Variants in GCNT2 observed in about 807,000 individuals in gnomAD.
The protein encoded by GCNT2 is glucosaminyl (N-acetyl) transferase 2 (I blood group), also known as N-acetyllactosaminide beta-1,6-N-acetylglucosaminyl-transferase.
Under a neutral mutation model 34.2 loss-of-function variants are expected in GCNT2, and 34 were observed. The observed-to-expected ratio is 1.00, with a 90% CI of 0.76 to 1.32. The LOEUF is 1.32. GCNT2 is among the 40% of genes most tolerant of loss of function. The pLI is 0.00. For missense variants in GCNT2, 584 were observed against 489.4 expected, an observed-to-expected ratio of 1.19 and a Z score of -1.82; for synonymous variants, 212 against 188.0, an observed-to-expected ratio of 1.13 and a Z score of -1.04.
Position 10,626,676 on chromosome 6 carries a change from A to C in GCNT2, c.*69A>C. On this transcript the variant is annotated 3_prime_UTR_variant, in exon 5 of 5. Transcript: ENST00000495262. The stretch of plus-strand genomic sequence containing the variant: ...GAAGAGGAGCCTGTTTTTGTGAGAG[A>C]CTTTTGCCTTCGTAATGTTAACCGT... The C allele has an allele frequency of 1.7e-6, 2 of 1,193,026 alleles. No homozygotes were observed. Among genetic ancestry groups the C allele is most frequent in the Non-Finnish European group, 2.5e-6 (2 of 801,030 alleles). 73.9% of individuals were successfully genotyped at this position (1,193,026 alleles called of 1,614,324 possible).
chr6:10,566,076 A>T (rs946550563), intron 3 of GCNT2, among the ~76,000 whole-genome samples: 9 of 151,756 alleles, frequency 5.9e-5, no homozygotes, highest in South Asian at 2.1e-4. Context: ...TAACTTGCGG[A>T]TCCCTGTTCT....
chr6:10,582,377 T>TATATAGTAATA (rs1561816522), intron 3 of GCNT2, among the ~76,000 whole-genome samples: 1 of 93,146 alleles, frequency 1.1e-5, no homozygotes, highest in Admixed American at 1.2e-4. Context: ...TATACTATAA[T>TATATAGTAATA]TTAATATTTA....
At chr6:10,523,280 G>C (rs763792665) in intron 1 of GCNT2, among the ~76,000 whole-genome samples, 1 of 152,024 alleles carries the variant, frequency 6.6e-6, no homozygotes, top group African/African-American at 2.4e-5. Context: ...ACAAAAATTA[G>C]CCGGGTGTGG....
chr6:10,567,520 G>A (rs1321662069), intron 3 of GCNT2, among the ~76,000 whole-genome samples: 2 of 152,158 alleles, frequency 1.3e-5, no homozygotes, highest in Non-Finnish European at 2.9e-5. Context: ...ATTCCTAAGG[G>A]ATATCTCTAG....
intron 4 of GCNT2, among the ~76,000 whole-genome samples, chr6:10,622,384 G>A (rs781367811): frequency 2.0e-5 from 3 of 151,882 alleles, no homozygotes; most frequent in Non-Finnish European, 4.4e-5. Flanking sequence ...AGGCCTCTCT[G>A]CTTGGCTTGT....
chr6:10,529,136 T>G lies in GCNT2; in HGVS notation c.225T>G (p.Tyr75Ter). 1 of 1,614,112 alleles carries G rather than the reference T, an allele frequency of 6.2e-7. No homozygotes were observed. The highest frequency in any genetic ancestry group is 1.6e-4 in the Middle Eastern group (1 of 6,062). Residue 75 changes from tyrosine to a stop codon, truncating the protein, a stop_gained, in exon 3 of 5, where the codon TAT becomes TAG. Coordinates refer to ENST00000495262, the MANE Select transcript of GCNT2 (RefSeq NM_145649.5). LOFTEE classifies it high-confidence loss of function. ...LKTTLDEATC[Y>*]EYMVRSHYVT... Reference sequence around the variant, plus strand: ...CTACCCTTGATGAAGCTACCTGCTATGAGTACATGGTTCGAAGCCACTATG... The same window carrying G: ...CTACCCTTGATGAAGCTACCTGCTAGGAGTACATGGTTCGAAGCCACTATG...
intron 3 of GCNT2, among the ~76,000 whole-genome samples, chr6:10,595,105 G>T (rs768042287): frequency 1.3e-5 from 2 of 152,038 alleles, no homozygotes; most frequent in Non-Finnish European, 1.5e-5. Context: ...TGTTATTGAT[G>T]TACTTTTTAT....
At chr6:10,568,753 C>A (rs192406183) in intron 3 of GCNT2, among the ~76,000 whole-genome samples, 229 of 152,234 alleles carry the variant, frequency 1.5e-3, no homozygotes, top group African/African-American at 5.2e-3. Flanking sequence ...TGAAAGGAAC[C>A]CTTCAGAAAA....
intron 3 of GCNT2, among the ~76,000 whole-genome samples, chr6:10,580,922 T>C (rs1416653402): frequency 6.6e-6 from 1 of 152,214 alleles, no homozygotes; most frequent in East Asian, 1.9e-4. Context: ...TCTTCTTGTT[T>C]GTGACCGTAA....
At chr6:10,586,459 A>T in intron 3 of GCNT2, 1 of 1,614,164 alleles carries the variant, frequency 6.2e-7, no homozygotes. Flanking sequence ...TCAAAGACAG[A>T]GTCTGTGGTT....
intron 3 of GCNT2, among the ~76,000 whole-genome samples, chr6:10,562,587 T>C (rs1403804178): frequency 1.4e-5 from 2 of 140,860 alleles, no homozygotes; most frequent in Admixed American, 7.7e-5. Context: ...CATGGTGGTG[T>C]GCGCCTGTAC....
rs1047737119 is a variant in GCNT2 at position 10,599,598 on chromosome 6, G to A, written c.926-21753G>A. On this transcript the variant is annotated intron_variant, in intron 3 of 4. Transcript: ENST00000495262. Reference sequence around the variant, plus strand: ...CCGCCAGTGGTCCCCAGAGAATTGAGAGCTATGGTAGAATGAAGACGGTAG... The same window carrying A: ...CCGCCAGTGGTCCCCAGAGAATTGAAAGCTATGGTAGAATGAAGACGGTAG... Among the ~76,000 whole-genome samples, 4 of 152,298 alleles carry A rather than the reference G, an allele frequency of 2.6e-5. No homozygotes were observed. In the South Asian group the frequency reaches 8.3e-4, roughly 32 times the overall value.
intron 3 of GCNT2, among the ~76,000 whole-genome samples, chr6:10,588,893 GTGTGT>G (rs1240579798): frequency 6.8e-6 from 1 of 147,980 alleles, no homozygotes; most frequent in Non-Finnish European, 1.5e-5. Context: ...TTTGTAGCGT[GTGTGT>G]TGTGTGGTGT....
At chr6:10,525,589 A>G (rs1175207976) in intron 1 of GCNT2, among the ~76,000 whole-genome samples, 1 of 152,340 alleles carries the variant, frequency 6.6e-6, no homozygotes, top group Non-Finnish European at 1.5e-5. Flanking sequence ...CTACCAAAAT[A>G]AAATGCACCA....
intron 3 of GCNT2, chr6:10,557,053 T>TA (rs1317395317): frequency 6.2e-7 from 1 of 1,610,296 alleles, no homozygotes; most frequent in East Asian, 2.2e-5. Context: ...GATTTAAAGG[T>TA]AAAAATATCA....
chr6:10,611,863 G>GTTGT (rs1174799612), intron 3 of GCNT2, among the ~76,000 whole-genome samples: 2 of 152,024 alleles, frequency 1.3e-5, no homozygotes, highest in Non-Finnish European at 1.5e-5. Context: ...CAACATTAAA[G>GTTGT]AAAGTTTTAT....
At chr6:10,567,945 G>C (rs1389372655) in intron 3 of GCNT2, among the ~76,000 whole-genome samples, 1 of 152,200 alleles carries the variant, frequency 6.6e-6, no homozygotes, top group East Asian at 1.9e-4. Flanking sequence ...TAAATGAAGA[G>C]CTCTGTTCTT....
At chr6:10,528,115 C>T (rs1404759520) in intron 2 of GCNT2, among the ~76,000 whole-genome samples, 1 of 152,152 alleles carries the variant, frequency 6.6e-6, no homozygotes, top group Non-Finnish European at 1.5e-5. Context: ...CTTTATTCAT[C>T]CGAGTGCCAC....
chr6:10,566,454 C>T (rs930458271), intron 3 of GCNT2, among the ~76,000 whole-genome samples: 15 of 152,128 alleles, frequency 9.9e-5, no homozygotes, highest in Admixed American at 9.2e-4. Flanking sequence ...CCACCATGCC[C>T]AGCTAATTTT....
Sources: allele counts gnomAD v4.1 joint callset (sites outside exome capture counted in the v4.1 genomes callset), GRCh38; gene constraint gnomAD v4.1.1; transcripts MANE v1.5; gene names NCBI Gene and HGNC (gene_info 2026-07-23, HGNC 2026-07-21).